Variants in SMARCA4 observed in about 807,000 individuals in gnomAD.
SMARCA4 encodes the protein SWI/SNF-related matrix-associated actin-dependent regulator of chromatin subfamily A member 4.
Under a neutral mutation model 193.9 loss-of-function variants are expected in SMARCA4, and 31 were observed. The ratio of observed to expected loss-of-function variants is 0.16; its 90% CI spans 0.12 to 0.22. The LOEUF is 0.22. Among genes scored for constraint, SMARCA4 ranks in the 10% least tolerant of loss-of-function variants. SMARCA4 has a pLI of 1.00. For missense variants in SMARCA4, 1,148 were observed against 2,296.0 expected (o/e 0.50, Z 10.22); for synonymous variants, 942 against 933.1 (o/e 1.01, Z -0.17).
intron 1 of SMARCA4, among the ~76,000 whole-genome samples, chr19:10,973,198 G>C (rs896017416): frequency 2.6e-5 from 4 of 152,086 alleles, no homozygotes; most frequent in Non-Finnish European, 5.9e-5. Flanking sequence ...GTTACTCTGC[G>C]TGTTATGTTT....
At chr19:11,014,929 C>T (rs2089214228) in intron 16 of SMARCA4, among the ~76,000 whole-genome samples, 1 of 152,048 alleles carries the variant, frequency 6.6e-6, no homozygotes, top group Non-Finnish European at 1.5e-5. Flanking sequence ...TCTCCTGCCT[C>T]AGCCTCCCGA....
At chr19:10,991,973 C>T (rs1206026634) in intron 8 of SMARCA4, among the ~76,000 whole-genome samples, 15 of 152,132 alleles carry the variant, frequency 9.9e-5, no homozygotes, top group African/African-American at 2.7e-4. Context: ...CGGAAATCTT[C>T]AAATCTAAAA....
rs758349760 is a variant in SMARCA4 at position 11,019,818 on chromosome 19, C to T, written c.2616+117C>T. 86 of 758,434 alleles carry T rather than the reference C, an allele frequency of 1.1e-4. 1 individual carries two copies. Among genetic ancestry groups the T allele is most frequent in the South Asian group, 1.0e-3 (68 of 67,624 alleles). The allele number at this position is 758,434 out of a possible 1,614,324, so 47.0% of individuals were successfully genotyped here. ...CTTCCCGGAGTCCCACCTGCATGTG[C>T]GTGAAGACAGCTGCCCTGTGTAGGG... is the stretch of plus-strand genomic sequence containing the variant. On this transcript the variant is annotated intron_variant, in intron 18 of 34. Coordinates refer to ENST00000344626, the MANE Select transcript of SMARCA4 (RefSeq NM_003072.5). The surrounding 1 kb of genome is among the most constrained non-coding windows in gnomAD (Gnocchi z 6.1).
At chr19:11,023,409 A>C in intron 19 of SMARCA4, 109 bp from the exon 20 acceptor site, 1 of 742,324 alleles carries the variant, frequency 1.3e-6, no homozygotes, top group Non-Finnish European at 2.4e-6. Flanking sequence ...GGGCAAGATC[A>C]CCCCAGGGGA....
rs1368858108 is a variant in SMARCA4 at position 10,986,504 on chromosome 19, C to T, written c.671C>T (p.Ser224Leu). ...CAGATGCCAACGCTACCTCCACCCT[C>T]GGTGTCCGCAACAGGACCCGGCCCT... ...QQQMPTLPPP[S>L]VSATGPGPGP... The change falls in exon 4 of 35, where the codon TCG (serine) becomes TTG (leucine). Residue 224 changes from serine to leucine, a missense_variant. Transcript: ENST00000344626. The surrounding 1 kb of genome is among the most constrained non-coding windows in gnomAD (Gnocchi z 6.7). The T allele has an allele frequency of 8.4e-6, 13 of 1,546,660 alleles. No individual in the cohort carries two copies. The highest frequency in any genetic ancestry group is 2.4e-5 in the East Asian group (1 of 40,954).
In SMARCA4 at chr19:11,041,808, C is replaced by T. The variant is rs573220729; in HGVS notation, c.4424+248C>T. Among the ~76,000 whole-genome samples, 2 of 152,078 alleles carry T rather than the reference C, an allele frequency of 1.3e-5. No homozygotes were observed. The highest frequency in any genetic ancestry group is 6.5e-5 in the Admixed American group (1 of 15,268). On this transcript the variant is annotated intron_variant, in intron 30 of 34. Transcript: ENST00000344626. This position sits in a 1 kb window ranked among gnomAD's most constrained non-coding sequence, Gnocchi z 5.6. ...GTGGTCGAGAGGAGAGGCAGGGGTGCGGGTCTCGGAGAAGGGGACATTGCA... is the reference window on the plus strand; with the variant it reads ...GTGGTCGAGAGGAGAGGCAGGGGTGTGGGTCTCGGAGAAGGGGACATTGCA...
At chr19:11,021,548 G>A in intron 18 of SMARCA4, 177 bp from the exon 19 acceptor site, 1 of 771,646 alleles carries the variant, frequency 1.3e-6, no homozygotes, top group Non-Finnish European at 2.2e-6. Context: ...AGGCTACGTT[G>A]TGTGGCTCCA....
rs769767718 is a variant in SMARCA4, at chr19:11,034,086, C to G, written c.3874-37C>G. The G allele has an allele frequency of 5.1e-5, 79 of 1,559,810 alleles. No individual in the cohort carries two copies. In the Middle Eastern group the frequency reaches 1.3e-3, roughly 26 times the overall value. On this transcript the variant is annotated intron_variant, in intron 27 of 34. Transcript: ENST00000344626. The surrounding 1 kb of genome is among the most constrained non-coding windows in gnomAD (Gnocchi z 7.0). ...GAGCTCGGCCGCCGCCCACCCCGGC[C>G]CCTCCTCAGCGGCACTGACAGTTTG...
rs1337034918 is a variant in SMARCA4 at position 11,061,205 on chromosome 19, ATAT to A, written c.4912-578_4912-576del. On this transcript the variant is annotated intron_variant, in intron 34 of 34. Transcript: ENST00000344626. ...CCTGTCTTTAAAAAAAAAAAAAAAA[ATAT>A]ATATATATATATATATATATATATA... Among the ~76,000 whole-genome samples, 199 of 38,486 alleles carry A rather than the reference ATAT, an allele frequency of 5.2e-3. 5 individuals carry two copies. Among genetic ancestry groups the A allele is most frequent in the African/African-American group, 0.017 (110 of 6,296 alleles). 25.2% of individuals were successfully genotyped at this position (38,486 alleles called of 152,430 possible).
intron 34 of SMARCA4, 68 bp downstream of exon 34, chr19:11,060,255 C>T (rs2147130345): frequency 6.5e-7 from 1 of 1,533,742 alleles, no homozygotes; most frequent in South Asian, 1.2e-5. Flanking sequence ...CCTGATGGGA[C>T]AGCCCTGTGG....
intron 24 of SMARCA4, among the ~76,000 whole-genome samples, chr19:11,028,908 T>G (rs1196330556): frequency 6.6e-6 from 1 of 152,128 alleles, no homozygotes; most frequent in East Asian, 1.9e-4. Flanking sequence ...TTGTTGAAGC[T>G]CCTGTGCAAG....
At chr19:11,057,813 C>T (rs1049210455) in intron 30 of SMARCA4, among the ~76,000 whole-genome samples, 5 of 152,082 alleles carry the variant, frequency 3.3e-5, no homozygotes, top group African/African-American at 1.2e-4. Flanking sequence ...CAAGAAAGCA[C>T]ATGTGCAGGC....
chr19:11,050,842 C>T (rs1045729564), intron 30 of SMARCA4, among the ~76,000 whole-genome samples: 11 of 152,354 alleles, frequency 7.2e-5, no homozygotes, highest in Admixed American at 5.2e-4. Flanking sequence ...GGAGCCATTC[C>T]TTGGGGACAG....
At chr19:10,998,279 C>A (rs1444449119) in intron 11 of SMARCA4, among the ~76,000 whole-genome samples, 2 of 152,112 alleles carry the variant, frequency 1.3e-5, no homozygotes, top group Non-Finnish European at 2.9e-5. Context: ...GCAGGCAGAC[C>A]CAACATGGCC....
chr19:11,060,067 C>G lies in SMARCA4; in HGVS notation c.4791C>G (p.Ile1597Met). ...CAGCTCGGTCCGTCAAAGTGAAGAT[C>G]AAGCTTGGCCGGAAGGAGAAGGCAC... ...ESESRSVKVK[I>M]KLGRKEKAQD... Residue 1597 changes from isoleucine to methionine, a missense_variant, in exon 34 of 35, where the codon ATC (isoleucine) becomes ATG (methionine). Ile to Met is a conservative substitution (Grantham distance 10). This residue lies in a region of SMARCA4 where 105 missense variants were observed against 133.7 expected (regional missense o/e 0.79). Transcript: ENST00000344626. The G allele has an allele frequency of 1.3e-6, 2 of 1,556,682 alleles. No individual in the cohort carries two copies. Among genetic ancestry groups the G allele is most frequent in the Non-Finnish European group, 1.7e-6 (2 of 1,150,040 alleles).
chr19:11,010,580 G>C (rs2146242013), intron 15 of SMARCA4, 49 bp downstream of exon 15: 1 of 1,585,314 alleles, frequency 6.3e-7, no homozygotes, highest in Non-Finnish European at 8.6e-7. Context: ...CCTCGGTGCA[G>C]GTGTTCCCAG....
At chr19:11,022,281 C>T (rs1357145984) in intron 19 of SMARCA4, among the ~76,000 whole-genome samples, 1 of 152,192 alleles carries the variant, frequency 6.6e-6, no homozygotes, top group Non-Finnish European at 1.5e-5. Flanking sequence ...GTGTGGAGAG[C>T]ACAGCTAGAG....
At chr19:11,040,308 A>T (rs1223849779) in intron 29 of SMARCA4, 1 of 151,882 alleles carries the variant, frequency 6.6e-6, no homozygotes, top group Non-Finnish European at 1.5e-5. Flanking sequence ...AAATGTCTTA[A>T]AAAGGCCGGG....
chr19:10,980,810 G>C (rs555110766), intron 1 of SMARCA4: 1 of 152,296 alleles, frequency 6.6e-6, no homozygotes, highest in Admixed American at 6.5e-5. Flanking sequence ...AGAGTGCAGT[G>C]GTGCGGTCAT....
Sources: gnomAD v4.1 joint callset for allele counts (sites outside exome capture counted in the v4.1 genomes callset) on GRCh38, gnomAD v4.1.1 for gene constraint, gnomAD v4.1.1 regional missense constraint, Gnocchi (gnomAD v3.1) non-coding constraint, MANE v1.5 for transcripts, NCBI Gene and HGNC (gene_info 2026-07-23, HGNC 2026-07-21) for gene names.